The following RBFOX1 variants were observed in gnomAD, a reference collection of about 807,000 sequenced individuals.
The protein encoded by RBFOX1 is RNA binding protein fox-1 homolog 1.
In RBFOX1, 8 loss-of-function variants were observed where a neutral mutation model predicts 57.7. The ratio of observed to expected loss-of-function variants is 0.14; its 90% CI spans 0.08 to 0.25. RBFOX1 has a LOEUF of 0.25. RBFOX1 is among the 10% of genes least tolerant of loss of function. RBFOX1 has a pLI of 1.00. For synonymous variants in RBFOX1, 326 were observed against 222.4 expected (o/e 1.47, Z -4.15); for missense variants, 611 against 548.5 (o/e 1.11, Z -1.14).
At chr16:5,755,423 T>G (rs2053358213) in intron 3 of RBFOX1, among the ~76,000 whole-genome samples, 1 of 152,108 alleles carries the variant, frequency 6.6e-6, no homozygotes, top group African/African-American at 2.4e-5. Context: ...GGATCCCCAT[T>G]TTATTGGTTC....
chr16:5,406,072 C>G (rs2066857459), intron 1 of RBFOX1, among the ~76,000 whole-genome samples: 1 of 152,202 alleles, frequency 6.6e-6, no homozygotes, highest in South Asian at 2.1e-4. Context: ...CAACCAAAGG[C>G]ATTCCAACTT....
intron 3 of RBFOX1, among the ~76,000 whole-genome samples, chr16:5,641,718 A>G (rs1036557684): frequency 6.6e-6 from 1 of 152,174 alleles, no homozygotes; most frequent in Non-Finnish European, 1.5e-5. Context: ...ACTTTGTCTT[A>G]GGAATAGCAA....
intron 4 of RBFOX1, among the ~76,000 whole-genome samples, chr16:7,469,599 C>G (rs75369261): frequency 0.021 from 3,124 of 152,154 alleles, 52 homozygotes; most frequent in Middle Eastern, 0.048. Context: ...GTGATATAGC[C>G]CTGAGTTCCC....
chr16:5,990,071 A>C (rs949272222), intron 4 of RBFOX1, among the ~76,000 whole-genome samples: 1 of 152,100 alleles, frequency 6.6e-6, no homozygotes, highest in African/African-American at 2.4e-5. Context: ...CTGCAGCCTC[A>C]AACTCCTGGG....
chr16:7,686,012 C>T (rs145524125), intron 14 of RBFOX1, among the ~76,000 whole-genome samples: 4 of 151,996 alleles, frequency 2.6e-5, no homozygotes, highest in Non-Finnish European at 4.4e-5. Flanking sequence ...TGACCCTCAA[C>T]TGCCTCATCT....
intron 3 of RBFOX1, among the ~76,000 whole-genome samples, chr16:6,755,033 C>G (rs1218390856): frequency 6.6e-6 from 1 of 152,152 alleles, no homozygotes; most frequent in African/African-American, 2.4e-5. Context: ...AGGGCATGAA[C>G]TCATCATTTT....
At chr16:5,569,001 C>G (rs12927284) in intron 2 of RBFOX1, among the ~76,000 whole-genome samples, 2 of 145,936 alleles carry the variant, frequency 1.4e-5, no homozygotes, top group South Asian at 2.2e-4. Context: ...CCACCACGCC[C>G]GGCTAATTTT....
chr16:7,366,159 C>T (rs1019664168), intron 4 of RBFOX1, among the ~76,000 whole-genome samples: 2 of 152,186 alleles, frequency 1.3e-5, no homozygotes, highest in Non-Finnish European at 2.9e-5. Flanking sequence ...GTATTGAGGC[C>T]TTTCCCAGCA....
intron 2 of RBFOX1, chr16:6,483,466 C>A: frequency 4.6e-6 from 7 of 1,535,676 alleles, no homozygotes; most frequent in Non-Finnish European, 6.1e-6. Context: ...TGTGTTTTCC[C>A]GGTGAGGAAA....
At chr16:6,148,919 C>T (rs1597796198) in intron 1 of RBFOX1, among the ~76,000 whole-genome samples, 1 of 151,866 alleles carries the variant, frequency 6.6e-6, no homozygotes, top group South Asian at 2.1e-4. Flanking sequence ...ATTCATGTGC[C>T]TTGAAATTTT....
At chr16:7,693,192 C>G (rs964488940) in intron 14 of RBFOX1, 1 of 744,838 alleles carries the variant, frequency 1.3e-6, no homozygotes, top group African/African-American at 1.7e-5. Flanking sequence ...CAGCACATTT[C>G]CTCGCAACAT....
intron 3 of RBFOX1, among the ~76,000 whole-genome samples, chr16:6,945,765 C>A (rs1396671675): frequency 1.3e-5 from 2 of 152,158 alleles, no homozygotes; most frequent in East Asian, 1.9e-4. Flanking sequence ...GTGGCAGGCA[C>A]CTGTAATCCC....
chr16:5,257,567 T>G (rs9930028), intron 1 of RBFOX1, among the ~76,000 whole-genome samples: 50,784 of 151,856 alleles, frequency 0.33, 8,660 homozygotes, highest in African/African-American at 0.42. Context: ...CGCAGGTGAT[T>G]CTCATGCAGC....
intron 4 of RBFOX1, among the ~76,000 whole-genome samples, chr16:5,883,039 C>G (rs1424571568): frequency 3.9e-5 from 6 of 152,118 alleles, no homozygotes; most frequent in African/African-American, 1.4e-4. Context: ...CTTAGGATCT[C>G]CTGCTCAAAG....
At chr16:5,619,850 A>T (rs1214247681) in intron 3 of RBFOX1, among the ~76,000 whole-genome samples, 1 of 152,158 alleles carries the variant, frequency 6.6e-6, no homozygotes, top group African/African-American at 2.4e-5. Context: ...CCCTGGGGAC[A>T]TGGGGGCTCA....
intron 3 of RBFOX1, among the ~76,000 whole-genome samples, chr16:5,837,346 AG>A (rs1196487857): frequency 6.6e-6 from 1 of 151,960 alleles, no homozygotes; most frequent in Non-Finnish European, 1.5e-5. Context: ...AATTAAGATG[AG>A]GGTTTGTCCA....
Position 6,647,590 on chromosome 16 carries a change from C to A in RBFOX1, c.-63-7013C>A, listed in dbSNP as rs925167191. On this transcript the variant is annotated intron_variant, in intron 2 of 15. Coordinates refer to ENST00000550418, the MANE Select transcript of RBFOX1 (RefSeq NM_018723.4). ...GGACCTCATTTAACCTTAATCACTT[C>A]CTTAGAGTTCCCATCTCCAAATACA... is the stretch of plus-strand genomic sequence containing the variant. Among the ~76,000 whole-genome samples the A allele has an allele frequency of 4.6e-5, 7 of 152,228 alleles. No homozygotes were observed. The East Asian group carries it at 1.2e-3, about 25-fold the overall frequency.
At chr16:5,935,455 T>C (rs2059149071) in intron 4 of RBFOX1, among the ~76,000 whole-genome samples, 1 of 152,122 alleles carries the variant, frequency 6.6e-6, no homozygotes, top group African/African-American at 2.4e-5. Context: ...GTTTGAATAA[T>C]GGCAGAGAGG....
intron 4 of RBFOX1, among the ~76,000 whole-genome samples, chr16:7,056,401 A>C (rs1037364441): frequency 6.6e-6 from 1 of 152,162 alleles, no homozygotes; most frequent in Non-Finnish European, 1.5e-5. Context: ...ACATGGTCAG[A>C]GGAGCTCACT....
Sources: allele counts gnomAD v4.1 joint callset (sites outside exome capture counted in the v4.1 genomes callset), GRCh38; gene constraint gnomAD v4.1.1; transcripts MANE v1.5; gene names NCBI Gene and HGNC (gene_info 2026-07-23, HGNC 2026-07-21).